The following BACH2 variants were observed in gnomAD, a reference collection of about 807,000 sequenced individuals.
The protein encoded by BACH2 is transcription regulator protein BACH2.
In BACH2, 5 loss-of-function variants were observed where a neutral mutation model predicts 61.8. The ratio of observed to expected loss-of-function variants is 0.08; its 90% confidence interval spans 0.04 to 0.17. BACH2 has a LOEUF of 0.17. BACH2 is among the 10% of genes least tolerant of loss of function. The pLI is 1.00. For synonymous variants in BACH2, 446 were observed against 440.1 expected (o/e 1.01, Z -0.17); for missense variants, 824 against 1,091.1 (o/e 0.76, Z 3.45).
intron 4 of BACH2, among the ~76,000 whole-genome samples, chr6:90,158,146 G>A (rs565837908): frequency 1.1e-4 from 16 of 152,096 alleles, no homozygotes; most frequent in African/African-American, 3.9e-4. Flanking sequence ...ACTGTCCCCA[G>A]ATGGAAGACA....
At chr6:89,933,223 AT>A (rs1382085205) in intron 8 of BACH2, among the ~76,000 whole-genome samples, 1 of 152,180 alleles carries the variant, frequency 6.6e-6, no homozygotes, top group Non-Finnish European at 1.5e-5. Flanking sequence ...AGAGAGTTAA[AT>A]GAAAAACTCT....
intron 2 of BACH2, among the ~76,000 whole-genome samples, chr6:90,254,748 T>C (rs1770922510): frequency 6.6e-6 from 1 of 152,144 alleles, no homozygotes; most frequent in East Asian, 1.9e-4. Context: ...TGTAGAAAAG[T>C]AACAACTTGA....
intron 4 of BACH2, among the ~76,000 whole-genome samples, chr6:90,126,689 TG>T (rs1783865294): frequency 6.6e-6 from 1 of 152,244 alleles, no homozygotes; most frequent in East Asian, 1.9e-4. Context: ...GTTGTGTTTT[TG>T]CATCTTGCTC....
chr6:90,047,341 C>T (rs1475769285), intron 5 of BACH2, among the ~76,000 whole-genome samples: 1 of 152,200 alleles, frequency 6.6e-6, no homozygotes, highest in Non-Finnish European at 1.5e-5. Context: ...AGCCAGGTTC[C>T]TTTCCGGTTG....
At chr6:90,082,748 T>C (rs2127805465) in intron 5 of BACH2, among the ~76,000 whole-genome samples, 1 of 152,318 alleles carries the variant, frequency 6.6e-6, no homozygotes, top group Admixed American at 6.5e-5. Context: ...ACAAAGCTAC[T>C]TCTGTTCAGA....
chr6:90,162,584 G>A (rs1027633585), intron 4 of BACH2, among the ~76,000 whole-genome samples: 9 of 152,176 alleles, frequency 5.9e-5, no homozygotes, highest in African/African-American at 1.4e-4. Context: ...TGGGGCTGCC[G>A]TGAGCTGTGA....
intron 4 of BACH2, among the ~76,000 whole-genome samples, chr6:90,118,232 T>C (rs980366895): frequency 2.0e-5 from 3 of 152,196 alleles, no homozygotes; most frequent in Non-Finnish European, 2.9e-5. Context: ...CTATTATTCA[T>C]ACTAAGGGAA....
intron 2 of BACH2, among the ~76,000 whole-genome samples, chr6:90,268,255 C>G: frequency 6.6e-6 from 1 of 152,180 alleles, no homozygotes; most frequent in Middle Eastern, 3.2e-3. Flanking sequence ...ATCTGCCTGC[C>G]TTGGCCTCCC....
At chr6:89,938,084 T>C (rs1301357954) in intron 8 of BACH2, 60 bp downstream of exon 8, 1 of 1,502,498 alleles carries the variant, frequency 6.7e-7, no homozygotes, top group Non-Finnish European at 9.2e-7. Flanking sequence ...TTCATTGCTG[T>C]TACTTTACAT....
chr6:89,997,734 C>T (rs1425193488), intron 6 of BACH2, among the ~76,000 whole-genome samples: 2 of 152,182 alleles, frequency 1.3e-5, no homozygotes, highest in Non-Finnish European at 2.9e-5. Context: ...AGGGAGGCAT[C>T]AGAAGGGTTT....
chr6:90,120,204 GAGA>G (rs1426731857), intron 4 of BACH2, among the ~76,000 whole-genome samples: 4 of 152,172 alleles, frequency 2.6e-5, no homozygotes. Flanking sequence ...CCGTAGAGTT[GAGA>G]AGAAGTTTAA....
At chr6:89,962,394 T>A (rs1774797151) in intron 6 of BACH2, among the ~76,000 whole-genome samples, 2 of 152,204 alleles carry the variant, frequency 1.3e-5, no homozygotes, top group South Asian at 2.1e-4. Flanking sequence ...TCAGCCCCAA[T>A]GAGCAGCTGT....
At chr6:90,050,662 T>C (rs1052507791) in intron 5 of BACH2, among the ~76,000 whole-genome samples, 2 of 152,228 alleles carry the variant, frequency 1.3e-5, no homozygotes, top group African/African-American at 4.8e-5. Flanking sequence ...GTGAGCTTAT[T>C]ACTGTGATTT....
chr6:90,092,456 A>G (rs1582345143), intron 4 of BACH2, among the ~76,000 whole-genome samples: 2 of 151,958 alleles, frequency 1.3e-5, no homozygotes, highest in Admixed American at 6.6e-5. Context: ...AAGAGTTTAT[A>G]GTTTTCCAAG....
At chr6:90,241,909 T>A (rs1291086337) in intron 3 of BACH2, among the ~76,000 whole-genome samples, 1 of 152,084 alleles carries the variant, frequency 6.6e-6, no homozygotes, top group African/African-American at 2.4e-5. Flanking sequence ...TTTTTTTATT[T>A]CTAAGCTACA....
intron 4 of BACH2, among the ~76,000 whole-genome samples, chr6:90,161,459 T>TA (rs1478714036): frequency 6.6e-6 from 1 of 152,186 alleles, no homozygotes; most frequent in African/African-American, 2.4e-5. Flanking sequence ...GTAATACTGA[T>TA]ATCACTATTC....
intron 4 of BACH2, among the ~76,000 whole-genome samples, chr6:90,136,821 C>G (rs1192100674): frequency 6.6e-6 from 1 of 151,542 alleles, no homozygotes; most frequent in Non-Finnish European, 1.5e-5. Flanking sequence ...AGCACTAAAC[C>G]ATGCTATTTT....
intron 4 of BACH2, among the ~76,000 whole-genome samples, chr6:90,175,343 A>T (rs1767952072): frequency 6.6e-6 from 1 of 152,228 alleles, no homozygotes; most frequent in Non-Finnish European, 1.5e-5. Flanking sequence ...CACTGAAATC[A>T]TAAGAAACTC....
At chr6:90,199,728 A>G (rs1422837526) in intron 4 of BACH2, among the ~76,000 whole-genome samples, 1 of 152,204 alleles carries the variant, frequency 6.6e-6, no homozygotes, top group Non-Finnish European at 1.5e-5. Flanking sequence ...CAGAGGGGCT[A>G]CAGTGGCCTG....
Sources: gnomAD v4.1 joint callset for allele counts (sites outside exome capture counted in the v4.1 genomes callset) on GRCh38, gnomAD v4.1.1 for gene constraint, MANE v1.5 for transcripts, NCBI Gene and HGNC (gene_info 2026-07-23, HGNC 2026-07-21) for gene names.